USP6NL: variants seen among roughly 807,000 people sequenced by gnomAD.
The protein encoded by USP6NL is USP6 N-terminal-like protein.
USP6NL carries 26 observed loss-of-function variants against 61.9 expected under a neutral mutation model. The ratio of observed to expected loss-of-function variants is 0.42; its 90% CI spans 0.31 to 0.58. The LOEUF is 0.58. Ranked by LOEUF, USP6NL falls within the 20% of genes least tolerant of loss-of-function variation. The probability of loss-of-function intolerance (pLI) is 0.16; values close to 1 mark genes in which losing one functional copy is unlikely to be tolerated. For missense variants in USP6NL, 1,114 were observed against 1,034.3 expected (o/e 1.08, Z -1.06); for synonymous variants, 432 against 390.1 (o/e 1.11, Z -1.27).
intron 13 of USP6NL, among the ~76,000 whole-genome samples, chr10:11,483,650 A>AC (rs1275492563): frequency 0.051 from 23 of 454 alleles, no homozygotes; most frequent in Admixed American, 0.071. Flanking sequence ...GGAGGGGGAG[A>AC]GGGGGGAGAG....
In USP6NL at chr10:11,510,747, C is replaced by G. The variant is rs75137335; in HGVS notation, c.196-1072G>C. On this transcript the variant is annotated intron_variant, in intron 5 of 14. Transcript: ENST00000609104. The surrounding 1 kb of genome is among the most constrained non-coding windows in gnomAD (Gnocchi z 4.8). ...AGGATGCATGCTCACTGCAACCCCA[C>G]GAGGTAGGTATGATTGTCACCATTT... 6.6e-6 allele frequency among the ~76,000 whole-genome samples: 1 copy of G among 152,250 alleles called. No homozygotes were observed. The highest frequency in any genetic ancestry group is 1.5e-5 in the Non-Finnish European group (1 of 68,052).
At chr10:11,593,212 C>T (rs900886383) in intron 2 of USP6NL, among the ~76,000 whole-genome samples, 1 of 152,126 alleles carries the variant, frequency 6.6e-6, no homozygotes, top group Non-Finnish European at 1.5e-5. Flanking sequence ...AAATACAGAA[C>T]ATTAAAATTT....
intron 2 of USP6NL, among the ~76,000 whole-genome samples, chr10:11,558,359 A>C (rs1836797464): frequency 1.3e-5 from 2 of 152,342 alleles, no homozygotes; most frequent in South Asian, 4.1e-4. Context: ...GGGTTCCTCC[A>C]GTTTTTCTCC....
At position 11,462,637 on chromosome 10, in the gene USP6NL, T is replaced by C; in HGVS notation, c.2291A>G (p.Tyr764Cys). 2 of 1,613,922 alleles carry C rather than the reference T, an allele frequency of 1.2e-6. No homozygotes were observed. Among genetic ancestry groups the C allele is most frequent in the Non-Finnish European group, 1.7e-6 (2 of 1,179,872 alleles). ...RDASRGNLPK[Y>C]SAFQLAPFQD... ...AAAGGGTGCGAGTTGAAAGGCTGAG[T>C]ATTTTGGTAAATTGCCACGGCTAGC... Residue 764 changes from tyrosine to cysteine, a missense_variant, in exon 15 of 15, where the codon TAC becomes TGC. By Grantham distance (194) the Tyr-to-Cys change is radical. Transcript: ENST00000609104.
At chr10:11,545,533 G>C (rs1836242258) in intron 2 of USP6NL, among the ~76,000 whole-genome samples, 1 of 152,196 alleles carries the variant, frequency 6.6e-6, no homozygotes, top group Non-Finnish European at 1.5e-5. Flanking sequence ...ATCTGTAAAA[G>C]GGTCAGCATT....
intron 10 of USP6NL, 107 bp downstream of exon 10, chr10:11,488,995 G>A: frequency 6.9e-7 from 1 of 1,459,208 alleles, no homozygotes; most frequent in Non-Finnish European, 9.2e-7. Flanking sequence ...AACGAGCCCT[G>A]AGACATTAAA....
Position 11,562,412 on chromosome 10 carries a change from T to C in USP6NL, c.5-34845A>G. 1.0e-6 allele frequency: 1 copy of C among 985,448 alleles called. No individual in the cohort carries two copies. Among genetic ancestry groups the C allele is most frequent in the South Asian group, 4.7e-5 (1 of 21,288 alleles). The allele number at this position is 985,448 out of a possible 1,614,324, so 61.0% of individuals were successfully genotyped here. A position where few individuals can be genotyped will look rare whatever the true frequency, so the allele number is the denominator to read the frequency against. On this transcript the variant is annotated intron_variant, in intron 2 of 14. Coordinates refer to ENST00000609104, the MANE Select transcript of USP6NL (RefSeq NM_014688.5). The surrounding 1 kb of genome is among the most constrained non-coding windows in gnomAD (Gnocchi z 4.8). ...AGATTTCCCCTTTTCCTTTTTCTTCTTGCTTGGCTCTTGGACCTAAGGATG... is the reference window on the plus strand; with the variant it reads ...AGATTTCCCCTTTTCCTTTTTCTTCCTGCTTGGCTCTTGGACCTAAGGATG...
chr10:11,512,574 C>T (rs1339183346), intron 5 of USP6NL, among the ~76,000 whole-genome samples: 2 of 152,194 alleles, frequency 1.3e-5, no homozygotes, highest in African/African-American at 4.8e-5. Context: ...CATGAGCAGC[C>T]TTTCAGAATG....
At chr10:11,535,824 T>G (rs890521536) in intron 2 of USP6NL, among the ~76,000 whole-genome samples, 9 of 152,258 alleles carry the variant, frequency 5.9e-5, no homozygotes, top group Non-Finnish European at 8.8e-5. Flanking sequence ...TTTTAAATGT[T>G]GAAATCTTAG....
At chr10:11,552,845 C>T (rs7894428) in intron 2 of USP6NL, among the ~76,000 whole-genome samples, 5,786 of 152,088 alleles carry the variant, frequency 0.038, 307 homozygotes, top group African/African-American at 0.12. Context: ...ATTTGGGGGA[C>T]GGTGGGTACC....
In USP6NL at chr10:11,461,727, G is replaced by A. The variant is rs1410181988; in HGVS notation, c.*714C>T. ...TTATTTTAAGTGCCCCGATTTTTAA[G>A]CACCATTAAGTGGTTAGCCTTTCTC... On this transcript the variant is annotated 3_prime_UTR_variant, in exon 15 of 15. Coordinates refer to ENST00000609104, the MANE Select transcript of USP6NL (RefSeq NM_014688.5). 6.6e-6 allele frequency: 1 copy of A among 152,212 alleles called. No homozygotes were observed. Among genetic ancestry groups the A allele is most frequent in the Non-Finnish European group, 1.5e-5 (1 of 68,054 alleles). 9.4% of individuals were successfully genotyped at this position (152,212 alleles called of 1,614,324 possible).
Position 11,474,003 on chromosome 10 carries a change from C to G in USP6NL, c.1078+7767G>C, listed in dbSNP as rs558655596. On this transcript the variant is annotated intron_variant, in intron 14 of 14. Transcript: ENST00000609104. This position sits in a 1 kb window ranked among gnomAD's most constrained non-coding sequence, Gnocchi z 4.9. Reference sequence around the variant, plus strand: ...AAAGCCATCTCGCAGGCACCACCTTCGAGATAATAAAGGCGGTGCCACCCG... The same window carrying G: ...AAAGCCATCTCGCAGGCACCACCTTGGAGATAATAAAGGCGGTGCCACCCG... Among the ~76,000 whole-genome samples, 28 of 152,024 alleles carry G rather than the reference C, an allele frequency of 1.8e-4. No individual in the cohort carries two copies. The highest frequency in any genetic ancestry group is 4.2e-4 in the South Asian group (2 of 4,818).
rs1838361483 is a variant in USP6NL, at chr10:11,597,264, CAAT to C, written c.4+364_4+366del. Among the ~76,000 whole-genome samples the C allele has an allele frequency of 6.6e-6, 1 of 152,096 alleles. No individual in the cohort carries two copies. The highest frequency in any genetic ancestry group is 2.1e-4 in the South Asian group (1 of 4,820). On this transcript the variant is annotated intron_variant, in intron 2 of 14. Transcript: ENST00000609104. The surrounding 1 kb of genome is among the most constrained non-coding windows in gnomAD (Gnocchi z 4.6). ...TAAATACAATATAACCCATGTTACT[CAAT>C]GATTAAATTTCACACAATAAAATCT...
rs888551703 is a variant in USP6NL, at chr10:11,602,062, C to T, written c.-83-4345G>A. 1.3e-5 allele frequency among the ~76,000 whole-genome samples: 2 copies of T among 152,068 alleles called. No homozygotes were observed. Among genetic ancestry groups the T allele is most frequent in the Non-Finnish European group, 2.9e-5 (2 of 67,996 alleles). On this transcript the variant is annotated intron_variant, in intron 1 of 14. Transcript: ENST00000609104. The surrounding 1 kb of genome is among the most constrained non-coding windows in gnomAD (Gnocchi z 4.8). ...ATAGCAATATATATACATACATATA[C>T]ATACATATACACACACACACACGTC...
chr10:11,585,269 C>T lies in USP6NL; in HGVS notation c.4+12362G>A, dbSNP rs565011471. ...TGAGCAATGTAAGCCGGTGCAACCA[C>T]TATGGAAAACAGTATGGCAGTTCCT... On this transcript the variant is annotated intron_variant, in intron 2 of 14. Coordinates refer to ENST00000609104, the MANE Select transcript of USP6NL (RefSeq NM_014688.5). The surrounding 1 kb of genome is among the most constrained non-coding windows in gnomAD (Gnocchi z 4.5). 1.3e-5 allele frequency among the ~76,000 whole-genome samples: 2 copies of T among 152,192 alleles called. No individual in the cohort carries two copies. Among genetic ancestry groups the T allele is most frequent in the South Asian group, 4.2e-4 (2 of 4,816 alleles).
chr10:11,477,406 T>G (rs1364309791), intron 14 of USP6NL, among the ~76,000 whole-genome samples: 2 of 152,170 alleles, frequency 1.3e-5, no homozygotes, highest in Non-Finnish European at 2.9e-5. Context: ...ATTAAGAAAC[T>G]AGAAATGAAT....
rs1057479085 is a variant in USP6NL at position 11,495,565 on chromosome 10, G to C, written c.385-2337C>G. 6.6e-6 allele frequency among the ~76,000 whole-genome samples: 1 copy of C among 151,804 alleles called. No homozygotes were observed. Among genetic ancestry groups the C allele is most frequent in the African/African-American group, 2.4e-5 (1 of 41,330 alleles). ...TCTTTGCTTTTATAACTGACATTCTGGGAATTTCTTCAATTGTCATTTTCA... is the reference window on the plus strand; with the variant it reads ...TCTTTGCTTTTATAACTGACATTCTCGGAATTTCTTCAATTGTCATTTTCA... On this transcript the variant is annotated intron_variant, in intron 7 of 14. Coordinates refer to ENST00000609104, the MANE Select transcript of USP6NL (RefSeq NM_014688.5). This position sits in a 1 kb window ranked among gnomAD's most constrained non-coding sequence, Gnocchi z 4.6.
chr10:11,462,852 T>C lies in USP6NL; in HGVS notation c.2076A>G (p.Val692=), dbSNP rs781285090. 9 of 1,613,824 alleles carry C rather than the reference T, an allele frequency of 5.6e-6. No individual in the cohort carries two copies. The African/African-American group carries it at 6.7e-5, about 12-fold the overall frequency. ...GGACTTCTATTCGACTAGACGGCAG[T>C]ACAAGGGGGCTTGGGCGGCTGTAAG... ...EKSYSRPSPL[V]LPSSRIEVLP... is the part of the protein sequence containing the mutation. Residue 692 remains valine (V), a synonymous_variant, in exon 15 of 15, where the codon GTA becomes GTG. Coordinates refer to ENST00000609104, the MANE Select transcript of USP6NL (RefSeq NM_014688.5).
chr10:11,506,210 A>G (rs1834425059), intron 6 of USP6NL, among the ~76,000 whole-genome samples: 1 of 152,226 alleles, frequency 6.6e-6, no homozygotes, highest in Admixed American at 6.5e-5. Flanking sequence ...GGTCCATTCA[A>G]TTATTTGACC....
Sources: allele counts gnomAD v4.1 joint callset (sites outside exome capture counted in the v4.1 genomes callset), GRCh38; gene constraint gnomAD v4.1.1; non-coding constraint Gnocchi (gnomAD v3.1); transcripts MANE v1.5; gene names NCBI Gene and HGNC (gene_info 2026-07-23, HGNC 2026-07-21).